The following JMJD1C variants were observed in gnomAD, a reference collection of about 807,000 sequenced individuals.
JMJD1C encodes the protein jumonji domain containing 1C, also known as jumonji domain-containing protein 1C.
A neutral mutation model predicts 245.3 loss-of-function variants in JMJD1C; 31 were observed. The observed-to-expected ratio is 0.13, with a 90% CI of 0.09 to 0.17. JMJD1C has a LOEUF of 0.17. Among genes scored for constraint, JMJD1C ranks in the 10% least tolerant of loss-of-function variants. The probability of loss-of-function intolerance (pLI) is 1.00; values close to 1 mark genes in which losing one functional copy is unlikely to be tolerated. For missense variants in JMJD1C, 2,691 were observed against 3,000.2 expected (o/e 0.90, Z 2.41); for synonymous variants, 1,057 against 1,017.4 (o/e 1.04, Z -0.74).
intron 1 of JMJD1C, chr10:63,489,514 A>G: frequency 6.1e-6 from 1 of 162,784 alleles, no homozygotes; most frequent in South Asian, 1.8e-4. Context: ...TACTGGCTGA[A>G]AGGAGTGGAG....
intron 23 of JMJD1C, 174 bp from the exon 24 acceptor site, chr10:63,176,647 A>C: frequency 1.7e-6 from 1 of 597,454 alleles, no homozygotes. Context: ...TGGAAAGCCA[A>C]AGAATATTAA....
chr10:63,227,736 T>G (rs778789697), intron 3 of JMJD1C, among the ~76,000 whole-genome samples: 6 of 152,210 alleles, frequency 3.9e-5, no homozygotes, highest in Admixed American at 1.3e-4. Flanking sequence ...AAGCAATTAT[T>G]TTGTATCCTG....
At chr10:63,370,007 A>T (rs1946168395) in intron 2 of JMJD1C, among the ~76,000 whole-genome samples, 1 of 152,210 alleles carries the variant, frequency 6.6e-6, no homozygotes, top group African/African-American at 2.4e-5. Flanking sequence ...CCTTTCAGCT[A>T]GTATGTGATT....
At chr10:63,319,818 G>A (rs562608667) in intron 2 of JMJD1C, among the ~76,000 whole-genome samples, 36 of 152,276 alleles carry the variant, frequency 2.4e-4, no homozygotes, top group Non-Finnish European at 4.4e-4. Context: ...AGGCTGGAAT[G>A]CAGTGGTGCT....
intron 14 of JMJD1C, 199 bp from the exon 15 acceptor site, chr10:63,193,671 T>C (rs1048868401): frequency 2.0e-5 from 8 of 408,426 alleles, no homozygotes; most frequent in African/African-American, 1.7e-4. Context: ...TTTTTTGTTT[T>C]TTTGTTTTTT....
intron 1 of JMJD1C, among the ~76,000 whole-genome samples, chr10:63,395,926 C>G (rs902747576): frequency 6.6e-6 from 1 of 151,902 alleles, no homozygotes; most frequent in African/African-American, 2.4e-5. Flanking sequence ...GAAAAAAAGA[C>G]AGATGAAGGT....
chr10:63,220,096 T>C, intron 3 of JMJD1C, 113 bp from the exon 4 acceptor site: 1 of 657,996 alleles, frequency 1.5e-6, no homozygotes, highest in Admixed American at 2.8e-5. Flanking sequence ...GATCTAAATG[T>C]ATGCAAAAAC....
intron 1 of JMJD1C, among the ~76,000 whole-genome samples, chr10:63,415,558 C>A: frequency 6.6e-6 from 1 of 152,126 alleles, no homozygotes; most frequent in East Asian, 1.9e-4. Flanking sequence ...ACTACTGATA[C>A]TGAACATGAC....
chr10:63,450,121 A>G (rs1421996998), intron 1 of JMJD1C, among the ~76,000 whole-genome samples: 1 of 152,202 alleles, frequency 6.6e-6, no homozygotes, highest in Admixed American at 6.5e-5. Flanking sequence ...TCAAAAAACA[A>G]AAAACAAAAA....
chr10:63,428,463 A>C (rs376755210), intron 1 of JMJD1C, among the ~76,000 whole-genome samples: 1 of 152,272 alleles, frequency 6.6e-6, no homozygotes, highest in African/African-American at 2.4e-5. Flanking sequence ...CAGGTCAAAG[A>C]AATCAACTGA....
intron 3 of JMJD1C, among the ~76,000 whole-genome samples, chr10:63,255,448 T>G (rs999881857): frequency 6.6e-6 from 1 of 152,146 alleles, no homozygotes. Flanking sequence ...GTTAGCAGAA[T>G]AAACCCGTCA....
chr10:63,348,626 A>T (rs2134271955), intron 2 of JMJD1C, among the ~76,000 whole-genome samples: 1 of 152,322 alleles, frequency 6.6e-6, no homozygotes. Flanking sequence ...ATTCATACAA[A>T]GGTGACTGAT....
chr10:63,491,003 T>C (rs752959294), intron 1 of JMJD1C, among the ~76,000 whole-genome samples: 1 of 152,234 alleles, frequency 6.6e-6, no homozygotes, highest in Non-Finnish European at 1.5e-5. Context: ...CTCTATGTGC[T>C]AAGTACTAGT....
intron 2 of JMJD1C, among the ~76,000 whole-genome samples, chr10:63,374,375 ACTC>A (rs1033335927): frequency 7.0e-4 from 107 of 152,278 alleles, no homozygotes; most frequent in African/African-American, 2.4e-3. Flanking sequence ...AGGATGTAAA[ACTC>A]CTCCTGTTTT....
At chr10:63,178,644 T>A (rs10761721) in intron 22 of JMJD1C, among the ~76,000 whole-genome samples, 4 of 152,206 alleles carry the variant, frequency 2.6e-5, no homozygotes, top group Admixed American at 2.0e-4. Flanking sequence ...AATTTCGAGG[T>A]GCTCTCATAT....
intron 2 of JMJD1C, among the ~76,000 whole-genome samples, chr10:63,282,411 ATTTC>A (rs1857518645): frequency 6.6e-6 from 1 of 152,222 alleles, no homozygotes; most frequent in Non-Finnish European, 1.5e-5. Flanking sequence ...TTTCTACCAT[ATTTC>A]TTTAAGTATT....
At chr10:63,489,102 A>G (rs1204183542) in intron 1 of JMJD1C, among the ~76,000 whole-genome samples, 2 of 152,198 alleles carry the variant, frequency 1.3e-5, no homozygotes, top group Non-Finnish European at 2.9e-5. Context: ...CTAGTCATTT[A>G]AAAAGTAAAA....
chr10:63,518,599 TG>T (rs1431545593), intron 1 of JMJD1C, among the ~76,000 whole-genome samples: 1 of 152,200 alleles, frequency 6.6e-6, no homozygotes, highest in African/African-American at 2.4e-5. Context: ...CCGTTGCATG[TG>T]GAAACAGACT....
At chr10:63,336,729 T>C (rs116813912) in intron 2 of JMJD1C, among the ~76,000 whole-genome samples, 2,260 of 152,306 alleles carry the variant, frequency 0.015, 53 homozygotes, top group African/African-American at 0.052. Context: ...TAGAAAACCC[T>C]GACAATCCGA....
Sources: gnomAD v4.1 joint callset for allele counts (sites outside exome capture counted in the v4.1 genomes callset) on GRCh38, gnomAD v4.1.1 for gene constraint, MANE v1.5 for transcripts, NCBI Gene and HGNC (gene_info 2026-07-23, HGNC 2026-07-21) for gene names.